The following TDRP variants were observed in gnomAD, a reference collection of about 807,000 sequenced individuals.
TDRP encodes testis development related protein, also known as testis development-related protein.
A neutral mutation model predicts 10.5 loss-of-function variants in TDRP; 12 were observed. The observed-to-expected ratio is 1.15, with a 90% CI of 0.73 to 1.86. The LOEUF is 1.86. TDRP is among the 40% of genes most tolerant of loss of function. The probability of loss-of-function intolerance (pLI) is 0.00; values close to 1 mark genes in which losing one functional copy is unlikely to be tolerated. For missense variants in TDRP, 353 were observed against 229.2 expected, an observed-to-expected ratio of 1.54 and a Z score of -3.49; for synonymous variants, 139 against 95.4, an observed-to-expected ratio of 1.46 and a Z score of -2.67.
intron 1 of TDRP, among the ~76,000 whole-genome samples, chr8:535,246 A>C (rs1802314750): frequency 6.6e-6 from 1 of 152,104 alleles, no homozygotes; most frequent in African/African-American, 2.4e-5. Context: ...CCTGGTTCCC[A>C]AGTCTTTGGG....
rs1800989763 is a variant in TDRP, at chr8:491,985, A to G, written c.*414T>C. The G allele has an allele frequency of 1.8e-6, 2 of 1,119,874 alleles. No homozygotes were observed. Among genetic ancestry groups the G allele is most frequent in the Admixed American group, 9.6e-5 (2 of 20,800 alleles). 69.4% of individuals were successfully genotyped at this position (1,119,874 alleles called of 1,614,324 possible). ...TCCTGACTAATTTTCTAGCAAAAGAAAAGAACTGCATGACAGCTGCATTTA... is the reference window on the plus strand; with the variant it reads ...TCCTGACTAATTTTCTAGCAAAAGAGAAGAACTGCATGACAGCTGCATTTA... On this transcript the variant is annotated 3_prime_UTR_variant, in exon 3 of 3. Transcript: ENST00000324079.
chr8:506,867 T>C (rs1801479249), intron 1 of TDRP, among the ~76,000 whole-genome samples: 1 of 152,070 alleles, frequency 6.6e-6, no homozygotes, highest in Non-Finnish European at 1.5e-5. Context: ...AGCTTAAACA[T>C]AAGGGAGCTC....
chr8:543,776 G>C (rs1332935962), intron 1 of TDRP, among the ~76,000 whole-genome samples: 3 of 152,170 alleles, frequency 2.0e-5, no homozygotes, highest in Admixed American at 6.5e-5. Context: ...TCGGAAGACA[G>C]GTACAAATCC....
intron 1 of TDRP, among the ~76,000 whole-genome samples, chr8:540,021 G>C (rs1802451471): frequency 1.3e-5 from 2 of 152,162 alleles, no homozygotes; most frequent in African/African-American, 2.4e-5. Context: ...CATTAGTTAA[G>C]CCTAGCCAAA....
At chr8:518,119 G>C (rs1240924153) in intron 1 of TDRP, among the ~76,000 whole-genome samples, 1 of 152,120 alleles carries the variant, frequency 6.6e-6, no homozygotes, top group Non-Finnish European at 1.5e-5. Flanking sequence ...ATGGACTTTG[G>C]CTAACAATGA....
intron 1 of TDRP, among the ~76,000 whole-genome samples, chr8:538,927 A>T (rs1044608190): frequency 3.9e-5 from 6 of 152,220 alleles, no homozygotes; most frequent in Admixed American, 3.9e-4. Context: ...CGCCTCTTTC[A>T]GAGGGCAATT....
chr8:536,731 A>T (rs1366714687), intron 1 of TDRP, among the ~76,000 whole-genome samples: 1 of 152,164 alleles, frequency 6.6e-6, no homozygotes. Flanking sequence ...CCACCAGAAA[A>T]TGTTTTGCTA....
intron 1 of TDRP, among the ~76,000 whole-genome samples, chr8:538,111 T>C (rs1476315385): frequency 1.3e-5 from 2 of 152,188 alleles, no homozygotes; most frequent in Admixed American, 6.5e-5. Context: ...GCTATCTCAA[T>C]AGAGGAGAGG....
chr8:491,616 A>G lies in TDRP; in HGVS notation c.*783T>C. 2 of 1,531,218 alleles carry G rather than the reference A, an allele frequency of 1.3e-6. No individual in the cohort carries two copies. Among genetic ancestry groups the G allele is most frequent in the Non-Finnish European group, 8.7e-7 (1 of 1,145,588 alleles). 94.9% of individuals were successfully genotyped at this position (1,531,218 alleles called of 1,614,324 possible). ...CTTAACTCTCTATAATGAGCAAGAC[A>G]ATGTTTCCTAAATGAAATTATCAAC... On this transcript the variant is annotated 3_prime_UTR_variant, in exon 3 of 3. Coordinates refer to ENST00000324079, the MANE Select transcript of TDRP (RefSeq NM_001384899.1).
intron 1 of TDRP, chr8:494,864 C>G (rs1405312069): frequency 2.1e-5 from 6 of 289,222 alleles, no homozygotes; most frequent in Admixed American, 4.8e-5. Flanking sequence ...TATTTTGCCT[C>G]AAAAAGCTTA....
At chr8:512,776 A>G (rs1362213816) in intron 1 of TDRP, among the ~76,000 whole-genome samples, 1 of 152,144 alleles carries the variant, frequency 6.6e-6, no homozygotes, top group African/African-American at 2.4e-5. Flanking sequence ...TGAATTTGAG[A>G]ACAGCCTGGC....
chr8:520,841 C>T (rs1485864868), intron 1 of TDRP, among the ~76,000 whole-genome samples: 2 of 151,882 alleles, frequency 1.3e-5, no homozygotes, highest in Non-Finnish European at 2.9e-5. Flanking sequence ...GGATATTCAC[C>T]CCTTATTAGA....
intron 1 of TDRP, among the ~76,000 whole-genome samples, chr8:498,160 C>G (rs1448423801): frequency 6.6e-6 from 1 of 152,150 alleles, no homozygotes; most frequent in African/African-American, 2.4e-5. Flanking sequence ...AGAAGAGGGC[C>G]ACCGTCTTCT....
At chr8:539,637 G>C (rs1002414494) in intron 1 of TDRP, among the ~76,000 whole-genome samples, 3 of 152,182 alleles carry the variant, frequency 2.0e-5, no homozygotes, top group African/African-American at 7.2e-5. Context: ...AGAAATAACG[G>C]AAAACAGTAA....
rs891430666 is a variant in TDRP at position 490,134 on chromosome 8, C to T, written c.*2265G>A. 6.6e-6 allele frequency: 1 copy of T among 152,160 alleles called. No individual in the cohort carries two copies. Among genetic ancestry groups the T allele is most frequent in the Non-Finnish European group, 1.5e-5 (1 of 68,032 alleles). 9.4% of individuals were successfully genotyped at this position (152,160 alleles called of 1,614,324 possible). A position where few individuals can be genotyped will look rare whatever the true frequency, so the allele number is the denominator to read the frequency against. On this transcript the variant is annotated 3_prime_UTR_variant, in exon 3 of 3. Transcript: ENST00000324079. Reference sequence around the variant, plus strand: ...ACCCAGAATCAAAACCACATTCTCCCATTAACTTGTGAAGATAATAAATTT... The same window carrying T: ...ACCCAGAATCAAAACCACATTCTCCTATTAACTTGTGAAGATAATAAATTT...
At chr8:529,672 C>A (rs1267162479) in intron 1 of TDRP, among the ~76,000 whole-genome samples, 1 of 152,144 alleles carries the variant, frequency 6.6e-6, no homozygotes, top group Non-Finnish European at 1.5e-5. Context: ...TTATTTTTAA[C>A]AACACTTGAA....
chr8:532,963 T>C (rs1021015381), intron 1 of TDRP, among the ~76,000 whole-genome samples: 3 of 152,142 alleles, frequency 2.0e-5, no homozygotes, highest in African/African-American at 7.2e-5. Context: ...CAGTAAAAGT[T>C]TGCTGACTCC....
At chr8:526,013 T>C (rs972464799) in intron 1 of TDRP, among the ~76,000 whole-genome samples, 3 of 152,210 alleles carry the variant, frequency 2.0e-5, no homozygotes, top group Non-Finnish European at 4.4e-5. Context: ...GATTTCTTCA[T>C]GGTTCAAACT....
chr8:531,889 T>G (rs1324959691), intron 1 of TDRP, among the ~76,000 whole-genome samples: 2 of 152,180 alleles, frequency 1.3e-5, no homozygotes, highest in Non-Finnish European at 2.9e-5. Context: ...TTTTATGGTT[T>G]AAGAAATTGG....
Sources: allele counts gnomAD v4.1 joint callset (sites outside exome capture counted in the v4.1 genomes callset), GRCh38; gene constraint gnomAD v4.1.1; transcripts MANE v1.5; gene names NCBI Gene and HGNC (gene_info 2026-07-23, HGNC 2026-07-21).